The following NUDCD3 variants were observed in gnomAD, a reference collection of about 807,000 sequenced individuals.
NUDCD3 encodes NudC domain containing 3.
In NUDCD3, 13 loss-of-function variants were observed where a neutral mutation model predicts 39.7. The observed-to-expected ratio is 0.33, with a 90% CI of 0.21 to 0.52. The LOEUF is 0.52. Ranked by LOEUF, NUDCD3 falls within the 20% of genes least tolerant of loss-of-function variation. The pLI, the probability that NUDCD3 is intolerant of heterozygous loss-of-function variation, is 0.96. For synonymous variants in NUDCD3, 175 were observed against 172.4 expected, an observed-to-expected ratio of 1.02 and a Z score of -0.12; for missense variants, 453 against 458.1, an observed-to-expected ratio of 0.99 and a Z score of 0.10.
chr7:44,418,402 G>C (rs1180282998), intron 3 of NUDCD3, among the ~76,000 whole-genome samples: 2 of 152,216 alleles, frequency 1.3e-5, no homozygotes, highest in African/African-American at 4.8e-5. Context: ...GGCACAGAGG[G>C]AAAAGCATAA....
chr7:44,462,165 T>TCTCC (rs1250280817), intron 2 of NUDCD3, among the ~76,000 whole-genome samples: 2 of 152,172 alleles, frequency 1.3e-5, no homozygotes, highest in Admixed American at 1.3e-4. Flanking sequence ...TCTCTCTCTC[T>TCTCC]CTCATATATA....
chr7:44,405,726 T>C (rs1276089826), intron 3 of NUDCD3, among the ~76,000 whole-genome samples: 1 of 152,182 alleles, frequency 6.6e-6, no homozygotes, highest in Non-Finnish European at 1.5e-5. Flanking sequence ...ATAACCTAAC[T>C]GTAGTTTAAA....
rs577842777 is a variant in NUDCD3 at position 44,438,093 on chromosome 7, C to T, written c.510-10390G>A. ...GAACTAAGCTGGGTGTAGTGACTTA[C>T]GCCTGCAATCCCAGCTACTCAGGAG... On this transcript the variant is annotated intron_variant, in intron 2 of 5. Coordinates refer to ENST00000355451, the MANE Select transcript of NUDCD3 (RefSeq NM_015332.4). Among the ~76,000 whole-genome samples, 51 of 152,200 alleles carry T rather than the reference C, an allele frequency of 3.4e-4. No homozygotes were observed. The South Asian group carries it at 7.5e-3, about 22-fold the overall frequency.
At chr7:44,434,535 T>A (rs1309694135) in intron 2 of NUDCD3, among the ~76,000 whole-genome samples, 2 of 152,182 alleles carry the variant, frequency 1.3e-5, no homozygotes, top group African/African-American at 4.8e-5. Context: ...AAGTTCATGC[T>A]TCTTTACTAG....
chr7:44,394,001 T>C (rs1798571778), intron 4 of NUDCD3, among the ~76,000 whole-genome samples: 1 of 152,100 alleles, frequency 6.6e-6, no homozygotes, highest in Non-Finnish European at 1.5e-5. Context: ...TGCCAAAACC[T>C]ACCCACACCA....
chr7:44,458,196 T>C (rs1403076931), intron 2 of NUDCD3, among the ~76,000 whole-genome samples: 1 of 152,178 alleles, frequency 6.6e-6, no homozygotes, highest in African/African-American at 2.4e-5. Flanking sequence ...CTCCATTAAG[T>C]GAGAAAAGCC....
chr7:44,468,423 G>C (rs1338453294), intron 2 of NUDCD3: 5 of 769,032 alleles, frequency 6.5e-6, no homozygotes. Flanking sequence ...TTCAATGCCA[G>C]ACAGCTTATC....
intron 2 of NUDCD3, among the ~76,000 whole-genome samples, chr7:44,473,845 A>C (rs6463236): frequency 1.3e-5 from 2 of 152,112 alleles, no homozygotes; most frequent in Admixed American, 6.5e-5. Flanking sequence ...TACTTTACCA[A>C]ATAAATTTTG....
chr7:44,392,566 G>T, intron 4 of NUDCD3, 81 bp from the exon 5 acceptor site: 2 of 1,247,888 alleles, frequency 1.6e-6, no homozygotes, highest in Non-Finnish European at 2.3e-6. Flanking sequence ...AGCCCACTGA[G>T]GGATGGGTGT....
intron 4 of NUDCD3, among the ~76,000 whole-genome samples, chr7:44,397,173 C>T (rs577290851): frequency 3.7e-4 from 56 of 152,346 alleles, no homozygotes; most frequent in South Asian, 1.5e-3. Context: ...TGTGGAATCA[C>T]ACAGTGTGCA....
intron 1 of NUDCD3, chr7:44,485,578 C>T (rs778950775): frequency 4.9e-5 from 14 of 285,856 alleles, no homozygotes; most frequent in Admixed American, 1.4e-4. Context: ...ATTTTACAGA[C>T]CCCAGTCTTG....
At chr7:44,421,048 G>C (rs1184079999) in intron 3 of NUDCD3, among the ~76,000 whole-genome samples, 1 of 152,140 alleles carries the variant, frequency 6.6e-6, no homozygotes, top group African/African-American at 2.4e-5. Flanking sequence ...AAAAGACACA[G>C]ATGGGCCAGG....
chr7:44,468,349 C>CAAAAAAAAAAAAAAAAAAGAAA, intron 2 of NUDCD3: 1 of 375,658 alleles, frequency 2.7e-6, no homozygotes, highest in South Asian at 3.9e-5. Flanking sequence ...GTAAAAACTG[C>CAAAAAAAAAAAAAAAAAAGAAA]AAAAAAAAAA....
intron 3 of NUDCD3, chr7:44,426,079 C>T: frequency 1.0e-6 from 1 of 976,376 alleles, no homozygotes; most frequent in Non-Finnish European, 1.2e-6. Context: ...TGGCCGTCCA[C>T]TTCATCGCTG....
chr7:44,456,725 C>T (rs984836635), intron 2 of NUDCD3, among the ~76,000 whole-genome samples: 13 of 150,550 alleles, frequency 8.6e-5, no homozygotes, highest in Admixed American at 2.6e-4. Context: ...CACTGCAATA[C>T]AGCCTGCGTG....
At chr7:44,466,231 G>A (rs759310468) in intron 2 of NUDCD3, among the ~76,000 whole-genome samples, 3 of 152,122 alleles carry the variant, frequency 2.0e-5, no homozygotes, top group Non-Finnish European at 4.4e-5. Context: ...CATCCCCTGA[G>A]CCACCCTAAA....
chr7:44,472,388 T>C (rs891547241), intron 2 of NUDCD3, among the ~76,000 whole-genome samples: 2 of 152,222 alleles, frequency 1.3e-5, no homozygotes, highest in Non-Finnish European at 2.9e-5. Context: ...ATTAAAATTC[T>C]ACAAAAGAAC....
intron 4 of NUDCD3, among the ~76,000 whole-genome samples, chr7:44,404,190 C>T (rs1366404711): frequency 6.6e-6 from 1 of 152,146 alleles, no homozygotes; most frequent in East Asian, 1.9e-4. Flanking sequence ...TTTCAATTTA[C>T]TTGTTTTTGC....
chr7:44,478,169 A>C (rs866275101), intron 2 of NUDCD3, among the ~76,000 whole-genome samples: 1 of 152,222 alleles, frequency 6.6e-6, no homozygotes. Context: ...ATCCTTACAG[A>C]ATATAAGCAC....
Sources: allele counts gnomAD v4.1 joint callset (sites outside exome capture counted in the v4.1 genomes callset), GRCh38; gene constraint gnomAD v4.1.1; transcripts MANE v1.5; gene names NCBI Gene and HGNC (gene_info 2026-07-23, HGNC 2026-07-21).